CLPB: variants seen among roughly 807,000 people sequenced by gnomAD.
The protein encoded by CLPB is mitochondrial disaggregase.
In CLPB, 40 loss-of-function variants were observed where a neutral mutation model predicts 78.4. The ratio of observed to expected loss-of-function variants is 0.51; its 90% CI spans 0.40 to 0.66. CLPB has a LOEUF of 0.66. Ranked by LOEUF, CLPB falls within the 30% of genes least tolerant of loss-of-function variation. The probability of loss-of-function intolerance (pLI) is 0.00; values close to 1 mark genes in which losing one functional copy is unlikely to be tolerated. For missense variants in CLPB, 780 were observed against 886.9 expected, an observed-to-expected ratio of 0.88 and a Z score of 1.53; for synonymous variants, 333 against 348.0, an observed-to-expected ratio of 0.96 and a Z score of 0.48.
Position 72,294,125 on chromosome 11 carries a change from G to T in CLPB, c.1682C>A (p.Ala561Asp), listed in dbSNP as rs748010262. The change falls in exon 15 of 16, where the codon GCC (alanine) becomes GAC (aspartate). Residue 561 changes from alanine (A) to aspartate (D), a missense_variant and splice_region_variant. Physicochemically the swap from Ala to Asp is moderately radical, Grantham distance 126. This residue lies in a region of CLPB where 272 missense variants were observed against 304.0 expected (regional missense o/e 0.89). Transcript: ENST00000538039. ...NKELNFWAKR[A>D]KQRHNITLLW... is the part of the protein sequence containing the mutation. ...CAGCGTGATGTTGTGCCTTTGCTTG[G>T]CCTGAGATGGGTCAGATAGAAGCAT... 6.2e-7 allele frequency: 1 copy of T among 1,613,926 alleles called. No homozygotes were observed. Among genetic ancestry groups the T allele is most frequent in the South Asian group, 1.1e-5 (1 of 91,046 alleles).
At chr11:72,399,489 T>C (rs1855502371) in intron 3 of CLPB, among the ~76,000 whole-genome samples, 1 of 152,224 alleles carries the variant, frequency 6.6e-6, no homozygotes, top group Non-Finnish European at 1.5e-5. Flanking sequence ...TAAATTATTG[T>C]GCATATTTTT....
intron 5 of CLPB, among the ~76,000 whole-genome samples, chr11:72,342,176 G>T (rs893726106): frequency 7.2e-5 from 11 of 152,158 alleles, no homozygotes; most frequent in African/African-American, 2.7e-4. Context: ...GATGAGAGAT[G>T]TCTACGGAAT....
intron 6 of CLPB, among the ~76,000 whole-genome samples, chr11:72,321,979 A>T (rs1950052317): frequency 6.6e-6 from 1 of 151,882 alleles, no homozygotes; most frequent in African/African-American, 2.4e-5. Flanking sequence ...GGGGGTGGGG[A>T]TGACGATGGA....
At chr11:72,381,533 G>T (rs923494243) in intron 3 of CLPB, among the ~76,000 whole-genome samples, 2 of 152,166 alleles carry the variant, frequency 1.3e-5, no homozygotes, top group Non-Finnish European at 2.9e-5. Flanking sequence ...GGCCCACCTT[G>T]CAGATTCAAT....
chr11:72,411,141 C>T (rs1426563121), intron 2 of CLPB, among the ~76,000 whole-genome samples: 1 of 152,162 alleles, frequency 6.6e-6, no homozygotes, highest in East Asian at 1.9e-4. Flanking sequence ...GCTCCAGGTG[C>T]CTGCCATGGC....
intron 2 of CLPB, among the ~76,000 whole-genome samples, chr11:72,424,128 A>G (rs1395491277): frequency 6.6e-6 from 1 of 152,214 alleles, no homozygotes; most frequent in African/African-American, 2.4e-5. Flanking sequence ...TTCACTTAGC[A>G]TATTTTCAGG....
At chr11:72,335,162 A>C (rs1950296742) in intron 5 of CLPB, among the ~76,000 whole-genome samples, 1 of 152,062 alleles carries the variant, frequency 6.6e-6, no homozygotes, top group Non-Finnish European at 1.5e-5. Flanking sequence ...GCTGATGCTG[A>C]TTGGTGCCAC....
At chr11:72,384,383 C>T (rs183805396) in intron 3 of CLPB, among the ~76,000 whole-genome samples, 88 of 151,882 alleles carry the variant, frequency 5.8e-4, no homozygotes, top group Non-Finnish European at 1.0e-3. Flanking sequence ...ATGTTTGTGG[C>T]GGGTATGGAA....
chr11:72,426,367 G>C (rs1856374557), intron 2 of CLPB, among the ~76,000 whole-genome samples: 1 of 152,214 alleles, frequency 6.6e-6, no homozygotes, highest in South Asian at 2.1e-4. Context: ...AGTCTGCCTT[G>C]TGCCCTAGGT....
At chr11:72,407,484 G>T (rs575647699) in intron 2 of CLPB, among the ~76,000 whole-genome samples, 42 of 152,218 alleles carry the variant, frequency 2.8e-4, no homozygotes, top group African/African-American at 9.9e-4. Context: ...TATATTGCAG[G>T]GTTTTCTATT....
chr11:72,373,118 T>C, intron 4 of CLPB: 2 of 928,288 alleles, frequency 2.2e-6, no homozygotes, highest in South Asian at 1.4e-5. Context: ...TTCCAAGCCC[T>C]CTACCCCCAG....
chr11:72,308,114 C>A (rs914335818), intron 8 of CLPB, among the ~76,000 whole-genome samples: 1 of 152,214 alleles, frequency 6.6e-6, no homozygotes, highest in African/African-American at 2.4e-5. Context: ...ATCCACCTGG[C>A]ACCATGGTGG....
Position 72,286,223 on chromosome 11 carries a change from GTTTTTTTTT to G in CLPB, c.*7135_*7143del, listed in dbSNP as rs999235579. ...ATTACAGGTGTGAGATACTGCACCT[GTTTTTTTTT>G]TTTTTTTTTTTTTTAAGAGATAGGG... On this transcript the variant is annotated 3_prime_UTR_variant, in exon 16 of 16. Transcript: ENST00000538039. 3 of 60,450 alleles carry G rather than the reference GTTTTTTTTT, an allele frequency of 5.0e-5. No individual in the cohort carries two copies. The highest frequency in any genetic ancestry group is 1.9e-4 in the Admixed American group (1 of 5,242). 3.7% of individuals were successfully genotyped at this position (60,450 alleles called of 1,614,324 possible).
chr11:72,346,962 C>T (rs1950526486), intron 5 of CLPB, among the ~76,000 whole-genome samples: 1 of 117,350 alleles, frequency 8.5e-6, no homozygotes, highest in East Asian at 2.5e-4. Flanking sequence ...GCCTGGGTGA[C>T]GAGAGCAAAA....
At chr11:72,345,106 C>T (rs542531542) in intron 5 of CLPB, among the ~76,000 whole-genome samples, 3 of 152,276 alleles carry the variant, frequency 2.0e-5, no homozygotes, top group East Asian at 3.9e-4. Flanking sequence ...ACAACTCGTA[C>T]GGAGGAGAAG....
At chr11:72,379,804 G>C (rs1854845331) in intron 4 of CLPB, among the ~76,000 whole-genome samples, 1 of 152,240 alleles carries the variant, frequency 6.6e-6, no homozygotes, top group South Asian at 2.1e-4. Context: ...AGTATTCAGA[G>C]TAATAGTATT....
rs75148065 is a variant in CLPB, at chr11:72,319,346, A to T, written c.874-2126T>A. On this transcript the variant is annotated intron_variant, in intron 6 of 15. Transcript: ENST00000538039. ...GTGCCTAGCAAAGGGCCTGGCTCAC[A>T]GCAGGCGTCAATTTGTGTTACTAAC... 9.3e-3 allele frequency among the ~76,000 whole-genome samples: 1,420 copies of T among 152,366 alleles called. 30 individuals are homozygous for T. Among genetic ancestry groups the T allele is most frequent in the East Asian group, 0.057 (293 of 5,182 alleles).
intron 5 of CLPB, among the ~76,000 whole-genome samples, chr11:72,330,964 T>G (rs1950213503): frequency 6.6e-6 from 1 of 152,166 alleles, no homozygotes; most frequent in South Asian, 2.1e-4. Context: ...CCACTGTTGA[T>G]GTACAGTAAA....
intron 3 of CLPB, among the ~76,000 whole-genome samples, chr11:72,394,311 T>C (rs1164143616): frequency 6.6e-6 from 1 of 152,164 alleles, no homozygotes; most frequent in Non-Finnish European, 1.5e-5. Context: ...TTCCTAGAGA[T>C]GGAACACCCT....
Sources: gnomAD v4.1 joint callset for allele counts (sites outside exome capture counted in the v4.1 genomes callset) on GRCh38, gnomAD v4.1.1 for gene constraint, gnomAD v4.1.1 regional missense constraint, MANE v1.5 for transcripts, NCBI Gene and HGNC (gene_info 2026-07-23, HGNC 2026-07-21) for gene names.